The following PCDHA2 variants were observed in gnomAD, a reference collection of about 807,000 sequenced individuals.
PCDHA2 encodes protocadherin alpha 2.
Under a neutral mutation model 66.0 loss-of-function variants are expected in PCDHA2, and 58 were observed. That is an observed-to-expected ratio of 0.88 (90% CI 0.71 to 1.09). PCDHA2 has a LOEUF of 1.09. Among genes scored for constraint, PCDHA2 ranks in the 50% least tolerant of loss-of-function variants. The pLI, the probability that PCDHA2 is intolerant of heterozygous loss-of-function variation, is 0.00. For missense variants in PCDHA2, 1,267 were observed against 1,242.3 expected (o/e 1.02, Z -0.30); for synonymous variants, 634 against 554.0 (o/e 1.14, Z -2.03).
At chr5:140,927,679 G>A (rs782403424) in intron 1 of PCDHA2, 11 of 1,614,188 alleles carry the variant, frequency 6.8e-6, no homozygotes, top group Non-Finnish European at 5.1e-6. Flanking sequence ...TCCAGATGAA[G>A]GGTCCAATGG....
chr5:140,936,619 T>C (rs2153629684), intron 1 of PCDHA2, among the ~76,000 whole-genome samples: 1 of 152,366 alleles, frequency 6.6e-6, no homozygotes, highest in East Asian at 1.9e-4. Context: ...TACTGTGCAG[T>C]GCTACCTTTG....
At chr5:140,917,238 G>A (rs144302098) in intron 1 of PCDHA2, among the ~76,000 whole-genome samples, 1 of 150,440 alleles carries the variant, frequency 6.6e-6, no homozygotes, top group Non-Finnish European at 1.5e-5. Flanking sequence ...TTAAATCTAG[G>A]TACTACGATT....
intron 1 of PCDHA2, among the ~76,000 whole-genome samples, chr5:140,910,781 A>G (rs1402088509): frequency 3.9e-5 from 6 of 152,220 alleles, no homozygotes; most frequent in Non-Finnish European, 8.8e-5. Flanking sequence ...AAGCTGCAAC[A>G]TTAAATGCAG....
intron 1 of PCDHA2, among the ~76,000 whole-genome samples, chr5:140,939,246 C>G (rs536477969): frequency 6.6e-5 from 10 of 152,230 alleles, no homozygotes; most frequent in African/African-American, 2.2e-4. Context: ...AGCAAGGTAG[C>G]TCTCTGGAAC....
At chr5:140,854,731 T>A (rs536045745) in intron 1 of PCDHA2, 2 of 150,048 alleles carry the variant, frequency 1.3e-5, no homozygotes, top group Admixed American at 1.3e-4. Flanking sequence ...TCAAGTTTTT[T>A]TCAGCAGCAC....
intron 3 of PCDHA2, among the ~76,000 whole-genome samples, chr5:140,994,538 A>G (rs1554254218): frequency 1.8e-5 from 2 of 111,930 alleles, no homozygotes; most frequent in African/African-American, 9.1e-5. Context: ...CCCCATCTCT[A>G]CAAAAAAAAT....
At chr5:140,885,930 AT>A (rs1188534786) in intron 1 of PCDHA2, among the ~76,000 whole-genome samples, 9 of 152,222 alleles carry the variant, frequency 5.9e-5, no homozygotes, top group Admixed American at 5.9e-4. Context: ...CTGTTTATCT[AT>A]TTTTTGACAT....
At position 140,946,316 on chromosome 5, in the gene PCDHA2, G is replaced by C. The variant is rs1293160526; in HGVS notation, c.2389-32633G>C. ...CACACCTGGTAGAATGGCTATTATTGAAAGAGGAAAGATAACAAGTGATGG... is the reference window on the plus strand; with the variant it reads ...CACACCTGGTAGAATGGCTATTATTCAAAGAGGAAAGATAACAAGTGATGG... On this transcript the variant is annotated intron_variant, in intron 1 of 3. Transcript: ENST00000526136. Among the ~76,000 whole-genome samples, 3 of 151,662 alleles carry C rather than the reference G, an allele frequency of 2.0e-5. No individual in the cohort carries two copies. In the East Asian group the frequency reaches 5.8e-4, roughly 29 times the overall value.
chr5:140,840,610 C>T (rs1488564002), intron 1 of PCDHA2, among the ~76,000 whole-genome samples: 1 of 151,912 alleles, frequency 6.6e-6, no homozygotes, highest in Admixed American at 6.6e-5. Context: ...AAGTGAGAGG[C>T]TGAATTTAAC....
intron 1 of PCDHA2, chr5:140,882,750 A>G (rs781948584): frequency 1.9e-5 from 30 of 1,614,128 alleles, no homozygotes; most frequent in Non-Finnish European, 2.4e-5. Context: ...TCCGATGCAG[A>G]TATTGGAGTA....
At chr5:140,858,220 G>A (rs1271468400) in intron 1 of PCDHA2, 1 of 1,595,980 alleles carries the variant, frequency 6.3e-7, no homozygotes, top group South Asian at 1.1e-5. Context: ...GCTCGGCGGC[G>A]CCCACCGAGG....
At position 140,984,181 on chromosome 5, in the gene PCDHA2, C is replaced by T. The variant is rs995252456; in HGVS notation, c.2536+1618C>T. Among the ~76,000 whole-genome samples, 5 of 152,210 alleles carry T rather than the reference C, an allele frequency of 3.3e-5. No individual in the cohort carries two copies. In the East Asian group the frequency reaches 9.6e-4, roughly 29 times the overall value. Reference sequence around the variant, plus strand: ...ACTTCCCAAAGAAGCCACGTGAAATCATGACTTTCTACCTTGCCTTTATTT... The same window carrying T: ...ACTTCCCAAAGAAGCCACGTGAAATTATGACTTTCTACCTTGCCTTTATTT... On this transcript the variant is annotated intron_variant, in intron 3 of 3. Coordinates refer to ENST00000526136, the MANE Select transcript of PCDHA2 (RefSeq NM_018905.3).
chr5:140,981,042 C>A (rs782145088), intron 2 of PCDHA2, among the ~76,000 whole-genome samples: 22 of 151,970 alleles, frequency 1.4e-4, no homozygotes, highest in Non-Finnish European at 2.9e-4. Flanking sequence ...GGAAAAAAAA[C>A]AGATAATTCT....
rs1554263662 is a variant in PCDHA2 at position 141,011,810 on chromosome 5, G to A, written c.*1873G>A. The A allele has an allele frequency of 6.5e-6, 1 of 153,716 alleles. No individual in the cohort carries two copies. The highest frequency in any genetic ancestry group is 1.9e-4 in the East Asian group (1 of 5,198). 9.5% of individuals were successfully genotyped at this position (153,716 alleles called of 1,614,324 possible). ...ATGGTATCTGAAATATCAGCTCATA[G>A]AAAGTAACAAAATTTGCTGTCACCT... On this transcript the variant is annotated 3_prime_UTR_variant, in exon 4 of 4. Coordinates refer to ENST00000526136, the MANE Select transcript of PCDHA2 (RefSeq NM_018905.3).
At chr5:140,852,265 T>C in intron 1 of PCDHA2, 1 of 505,256 alleles carries the variant, frequency 2.0e-6, no homozygotes, top group Non-Finnish European at 2.6e-6. Flanking sequence ...TATGCTACAA[T>C]ATTACATGTT....
intron 1 of PCDHA2, chr5:140,836,178 G>C (rs2150254808): frequency 6.2e-7 from 1 of 1,613,826 alleles, no homozygotes. Flanking sequence ...TGCAGTTGAC[G>C]CTGACTCAGG....
chr5:140,879,948 C>T (rs1025902128), intron 1 of PCDHA2, among the ~76,000 whole-genome samples: 1 of 152,168 alleles, frequency 6.6e-6, no homozygotes, highest in Non-Finnish European at 1.5e-5. Context: ...ATTTAGGGCC[C>T]ATCTGGATAA....
chr5:140,960,913 T>C (rs184385777), intron 1 of PCDHA2, among the ~76,000 whole-genome samples: 10 of 152,320 alleles, frequency 6.6e-5, no homozygotes, highest in Admixed American at 2.6e-4. Flanking sequence ...GAGTTTCAGA[T>C]AGAAAATTGG....
At position 140,856,180 on chromosome 5, in the gene PCDHA2, G is replaced by C; in HGVS notation, c.2388+58828G>C. ...AGGAGGCCAGACACGGCACCTTCGT[G>C]GGCCGCATCGCGCAGGACCTGGGGC... On this transcript the variant is annotated intron_variant, in intron 1 of 3. Coordinates refer to ENST00000526136, the MANE Select transcript of PCDHA2 (RefSeq NM_018905.3). The C allele has an allele frequency of 3.1e-6, 5 of 1,598,262 alleles. 1 individual carries two copies. Among genetic ancestry groups the C allele is most frequent in the Non-Finnish European group, 4.3e-6 (5 of 1,167,898 alleles).
Sources: gnomAD v4.1 joint callset for allele counts (sites outside exome capture counted in the v4.1 genomes callset) on GRCh38, gnomAD v4.1.1 for gene constraint, MANE v1.5 for transcripts, NCBI Gene and HGNC (gene_info 2026-07-23, HGNC 2026-07-21) for gene names.